CACNG2: variants seen among roughly 807,000 people sequenced by gnomAD.
CACNG2 encodes calcium voltage-gated channel auxiliary subunit gamma 2.
A neutral mutation model predicts 25.9 loss-of-function variants in CACNG2; 3 were observed. That is an observed-to-expected ratio of 0.12 (90% CI 0.05 to 0.30). The LOEUF (loss-of-function observed/expected upper bound fraction) is 0.30, where lower values mean the gene tolerates loss of function less well. Among genes scored for constraint, CACNG2 ranks in the 10% least tolerant of loss-of-function variants. CACNG2 has a pLI of 1.00. For synonymous variants in CACNG2, 167 were observed against 173.3 expected, an observed-to-expected ratio of 0.96 and a Z score of 0.29; for missense variants, 341 against 432.5, an observed-to-expected ratio of 0.79 and a Z score of 1.88.
rs140623216 is a variant in CACNG2, at chr22:36,636,253, A to G, written c.212-48705T>C. Reference sequence around the variant, plus strand: ...CCATAATCCAGCCCCGGGATGTTGCATAAGCTGTTCCCTCTGCTCAGAATG... The same window carrying G: ...CCATAATCCAGCCCCGGGATGTTGCGTAAGCTGTTCCCTCTGCTCAGAATG... On this transcript the variant is annotated intron_variant, in intron 1 of 3. Coordinates refer to ENST00000300105, the MANE Select transcript of CACNG2 (RefSeq NM_006078.5). Among the ~76,000 whole-genome samples, 449 of 152,192 alleles carry G rather than the reference A, an allele frequency of 3.0e-3. 1 individual carries two copies. Among genetic ancestry groups the G allele is most frequent in the African/African-American group, 0.01 (423 of 41,512 alleles).
At chr22:36,676,567 C>A (rs911748964) in intron 1 of CACNG2, among the ~76,000 whole-genome samples, 2 of 152,206 alleles carry the variant, frequency 1.3e-5, no homozygotes, top group Non-Finnish European at 2.9e-5. Flanking sequence ...AGCTGCCCTG[C>A]GAAGCCCAGG....
chr22:36,565,180 C>A (rs986035473), intron 3 of CACNG2, among the ~76,000 whole-genome samples: 5 of 152,206 alleles, frequency 3.3e-5, no homozygotes, highest in African/African-American at 1.2e-4. Context: ...AGATATTGTT[C>A]ATTGAGCCTT....
chr22:36,669,437 G>T (rs1936918050), intron 1 of CACNG2, among the ~76,000 whole-genome samples: 1 of 149,528 alleles, frequency 6.7e-6, no homozygotes, highest in African/African-American at 2.5e-5. Flanking sequence ...GAACCCAGGA[G>T]GCAGAGGTTG....
At chr22:36,672,149 A>C (rs751790348) in intron 1 of CACNG2, among the ~76,000 whole-genome samples, 3 of 145,968 alleles carry the variant, frequency 2.1e-5, no homozygotes, top group Non-Finnish European at 4.6e-5. Flanking sequence ...GTGGGGCTAC[A>C]TTTTTTTTTT....
rs535613908 is a variant in CACNG2, at chr22:36,664,757, A to G, written c.211+37609T>C. Among the ~76,000 whole-genome samples, 3 of 152,394 alleles carry G rather than the reference A, an allele frequency of 2.0e-5. No individual in the cohort carries two copies. The East Asian group carries it at 5.8e-4, about 29-fold the overall frequency. On this transcript the variant is annotated intron_variant, in intron 1 of 3. Coordinates refer to ENST00000300105, the MANE Select transcript of CACNG2 (RefSeq NM_006078.5). ...ATTCGATTATGCTTGCTAGACTGCA[A>G]TGTAATAAAACAGAGTTTTCATATA...
intron 1 of CACNG2, among the ~76,000 whole-genome samples, chr22:36,598,687 G>C (rs978526783): frequency 6.6e-6 from 1 of 151,328 alleles, no homozygotes; most frequent in African/African-American, 2.4e-5. Context: ...ACACCTATTT[G>C]ACTATATCTG....
At chr22:36,608,597 G>T (rs1935878782) in intron 1 of CACNG2, among the ~76,000 whole-genome samples, 1 of 152,112 alleles carries the variant, frequency 6.6e-6, no homozygotes, top group African/African-American at 2.4e-5. Flanking sequence ...GAAACTGGAG[G>T]TTCATAGAGG....
At chr22:36,686,598 T>C (rs1053295606) in intron 1 of CACNG2, among the ~76,000 whole-genome samples, 25 of 152,196 alleles carry the variant, frequency 1.6e-4, no homozygotes, top group African/African-American at 6.0e-4. Flanking sequence ...GGAGGGAATA[T>C]TGTGGTGGTG....
At chr22:36,676,925 T>C (rs1306054338) in intron 1 of CACNG2, among the ~76,000 whole-genome samples, 2 of 143,184 alleles carry the variant, frequency 1.4e-5, no homozygotes, top group Non-Finnish European at 3.0e-5. Flanking sequence ...TTCTGCTTCT[T>C]CTAATATTGT....
chr22:36,566,801 C>G (rs1343177028), intron 2 of CACNG2, among the ~76,000 whole-genome samples: 1 of 152,236 alleles, frequency 6.6e-6, no homozygotes, highest in African/African-American at 2.4e-5. Flanking sequence ...TGTTCTCTCT[C>G]GTCCCACCAC....
In CACNG2 at chr22:36,566,462, G is replaced by C. The variant is rs369577174; in HGVS notation, c.327C>G (p.Ile109Met). The change falls in exon 3 of 4, where the codon ATC (isoleucine) becomes ATG (methionine). Residue 109 changes from isoleucine (I) to methionine (M), a missense_variant. Transcript: ENST00000300105. ...RAVRASSIFP[I>M]LSVILLFMGG... ...CCATGAAAAGCAGAATCACACTCAG[G>C]ATTGGGAAAATGCTGGAGGCCCTCA... The C allele has an allele frequency of 1.2e-6, 2 of 1,614,026 alleles. No individual in the cohort carries two copies. Among genetic ancestry groups the C allele is most frequent in the Non-Finnish European group, 8.5e-7 (1 of 1,180,026 alleles).
At chr22:36,660,036 C>T (rs866190844) in intron 1 of CACNG2, among the ~76,000 whole-genome samples, 2 of 152,236 alleles carry the variant, frequency 1.3e-5, no homozygotes, top group Non-Finnish European at 1.5e-5. Flanking sequence ...AATCCCCCCA[C>T]GACTCTGCTC....
chr22:36,593,184 G>A (rs777956114), intron 1 of CACNG2, among the ~76,000 whole-genome samples: 1 of 152,210 alleles, frequency 6.6e-6, no homozygotes, highest in Non-Finnish European at 1.5e-5. Flanking sequence ...AGACTGATCG[G>A]TACAACAGTA....
At chr22:36,676,058 G>A (rs1408811327) in intron 1 of CACNG2, among the ~76,000 whole-genome samples, 1 of 152,144 alleles carries the variant, frequency 6.6e-6, no homozygotes, top group Non-Finnish European at 1.5e-5. Context: ...CACCTGGCTC[G>A]TGTGACATCA....
intron 2 of CACNG2, among the ~76,000 whole-genome samples, chr22:36,567,872 C>A (rs2283968): frequency 0.24 from 36,395 of 151,842 alleles, 4,527 homozygotes; most frequent in Admixed American, 0.29. Flanking sequence ...TTTTTTGAGA[C>A]GGAGTCTTCC....
intron 1 of CACNG2, among the ~76,000 whole-genome samples, chr22:36,685,637 C>A (rs1937185897): frequency 6.6e-6 from 1 of 152,174 alleles, no homozygotes; most frequent in East Asian, 1.9e-4. Flanking sequence ...GAGGACAGGC[C>A]TTTTGAAACA....
At chr22:36,616,277 G>A (rs1936021100) in intron 1 of CACNG2, among the ~76,000 whole-genome samples, 1 of 152,142 alleles carries the variant, frequency 6.6e-6, no homozygotes, top group African/African-American at 2.4e-5. Context: ...ACTTATTATT[G>A]TTGAGTTATT....
At chr22:36,699,272 C>CACACAA in intron 1 of CACNG2, among the ~76,000 whole-genome samples, 1 of 148,854 alleles carries the variant, frequency 6.7e-6, no homozygotes, top group East Asian at 2.1e-4. Flanking sequence ...CACACACACA[C>CACACAA]ACACAGACTT....
At chr22:36,569,005 G>A (rs1024954281) in intron 2 of CACNG2, among the ~76,000 whole-genome samples, 1 of 152,000 alleles carries the variant, frequency 6.6e-6, no homozygotes, top group Non-Finnish European at 1.5e-5. Flanking sequence ...AAGACAACAC[G>A]CTGTATCCCT....
Sources: gnomAD v4.1 joint callset for allele counts (sites outside exome capture counted in the v4.1 genomes callset) on GRCh38, gnomAD v4.1.1 for gene constraint, MANE v1.5 for transcripts, NCBI Gene and HGNC (gene_info 2026-07-23, HGNC 2026-07-21) for gene names.